AGBL4: variants seen among roughly 807,000 people sequenced by gnomAD.
The protein encoded by AGBL4 is AGBL carboxypeptidase 4, also known as cytosolic carboxypeptidase 6.
Under a neutral mutation model 66.4 loss-of-function variants are expected in AGBL4, and 58 were observed. That is an observed-to-expected ratio of 0.87 (90% CI 0.71 to 1.09). The LOEUF is 1.09. Among genes scored for constraint, AGBL4 ranks in the 50% least tolerant of loss-of-function variants. The probability of loss-of-function intolerance (pLI) is 0.00; values close to 1 mark genes in which losing one functional copy is unlikely to be tolerated. For missense variants in AGBL4, 579 were observed against 631.0 expected, an observed-to-expected ratio of 0.92 and a Z score of 0.88; for synonymous variants, 234 against 222.9, an observed-to-expected ratio of 1.05 and a Z score of -0.44.
At chr1:48,923,898 G>C (rs1185812462) in intron 5 of AGBL4, among the ~76,000 whole-genome samples, 2 of 152,102 alleles carry the variant, frequency 1.3e-5, no homozygotes, top group East Asian at 1.9e-4. Context: ...TTAGTTATTA[G>C]AGAATATTAG....
chr1:48,831,137 G>A (rs1013097958), intron 6 of AGBL4, among the ~76,000 whole-genome samples: 1 of 152,214 alleles, frequency 6.6e-6, no homozygotes, highest in Non-Finnish European at 1.5e-5. Context: ...CATTCTTAAT[G>A]ACATGAGGGA....
chr1:49,854,807 G>A (rs1352958373), intron 1 of AGBL4, among the ~76,000 whole-genome samples: 4 of 152,150 alleles, frequency 2.6e-5, no homozygotes, highest in African/African-American at 9.7e-5. Flanking sequence ...GACAAAGGAA[G>A]CCAAAATGCA....
intron 5 of AGBL4, among the ~76,000 whole-genome samples, chr1:49,009,510 C>A (rs1019764086): frequency 1.3e-5 from 2 of 151,930 alleles, no homozygotes; most frequent in Non-Finnish European, 2.9e-5. Flanking sequence ...AAGAGGGAAT[C>A]CTCCCTAACT....
At chr1:48,785,212 T>C (rs1645382298) in intron 6 of AGBL4, among the ~76,000 whole-genome samples, 1 of 152,200 alleles carries the variant, frequency 6.6e-6, no homozygotes, top group Non-Finnish European at 1.5e-5. Flanking sequence ...TAATTATGTG[T>C]TTATTCTATT....
chr1:48,539,972 A>G (rs770753182), intron 11 of AGBL4, among the ~76,000 whole-genome samples: 15 of 152,188 alleles, frequency 9.9e-5, no homozygotes, highest in Admixed American at 2.6e-4. Context: ...AATTTGCCTA[A>G]GGTCACAAAA....
chr1:49,315,138 T>G (rs1645016365), intron 3 of AGBL4, among the ~76,000 whole-genome samples: 1 of 152,156 alleles, frequency 6.6e-6, no homozygotes, highest in African/African-American at 2.4e-5. Flanking sequence ...AAACAAGCAA[T>G]GGGGAAAGCT....
chr1:49,514,474 T>G (rs1258351090), intron 3 of AGBL4, among the ~76,000 whole-genome samples: 1 of 152,038 alleles, frequency 6.6e-6, no homozygotes, highest in African/African-American at 2.4e-5. Flanking sequence ...AGGTAATTTA[T>G]AGATTCAATG....
At chr1:49,309,696 T>C (rs1210309161) in intron 3 of AGBL4, among the ~76,000 whole-genome samples, 1 of 151,888 alleles carries the variant, frequency 6.6e-6, no homozygotes, top group Non-Finnish European at 1.5e-5. Context: ...AATAATGAAA[T>C]AAAATTACAT....
At chr1:48,749,430 C>T (rs552745737) in intron 6 of AGBL4, among the ~76,000 whole-genome samples, 5 of 152,242 alleles carry the variant, frequency 3.3e-5, no homozygotes, top group East Asian at 1.9e-4. Flanking sequence ...CCTACAAAAT[C>T]GATCTTATTA....
chr1:49,395,661 C>T (rs915067346), intron 3 of AGBL4, among the ~76,000 whole-genome samples: 1 of 147,792 alleles, frequency 6.8e-6, no homozygotes, highest in Non-Finnish European at 1.5e-5. Flanking sequence ...GTATTTGAAT[C>T]ATCTGTCCTC....
chr1:48,613,943 C>T (rs1222173786), intron 9 of AGBL4, among the ~76,000 whole-genome samples: 1 of 152,138 alleles, frequency 6.6e-6, no homozygotes, highest in East Asian at 1.9e-4. Flanking sequence ...GAGTTAAGGC[C>T]ATGAGATAAA....
intron 3 of AGBL4, among the ~76,000 whole-genome samples, chr1:49,440,360 G>A (rs930521372): frequency 2.0e-5 from 3 of 152,114 alleles, no homozygotes; most frequent in Non-Finnish European, 2.9e-5. Flanking sequence ...GAGCCACTGC[G>A]CCCAGCCAGG....
intron 2 of AGBL4, among the ~76,000 whole-genome samples, chr1:49,704,107 G>A (rs1055604139): frequency 1.3e-5 from 2 of 152,034 alleles, no homozygotes; most frequent in African/African-American, 4.8e-5. Flanking sequence ...TCTCCCCAAT[G>A]TATGTATACA....
intron 4 of AGBL4, among the ~76,000 whole-genome samples, chr1:49,227,531 A>G (rs1330476478): frequency 6.6e-6 from 1 of 152,194 alleles, no homozygotes; most frequent in Non-Finnish European, 1.5e-5. Flanking sequence ...GTAAGAGCCC[A>G]TTCAGTCAAA....
chr1:48,664,543 T>G (rs1224145817), intron 6 of AGBL4, among the ~76,000 whole-genome samples: 1 of 152,182 alleles, frequency 6.6e-6, no homozygotes, highest in Non-Finnish European at 1.5e-5. Flanking sequence ...AAATGCTTGA[T>G]GTACAAAGCC....
chr1:48,655,479 T>C (rs1399738836), intron 7 of AGBL4, among the ~76,000 whole-genome samples: 2 of 152,264 alleles, frequency 1.3e-5, no homozygotes, highest in Non-Finnish European at 2.9e-5. Flanking sequence ...GGACCTGAGT[T>C]TGAATCTTAA....
In AGBL4 at chr1:48,877,185, G is replaced by T. The variant is rs1649313003; in HGVS notation, c.595-9955C>A. Among the ~76,000 whole-genome samples, 3 of 152,144 alleles carry T rather than the reference G, an allele frequency of 2.0e-5. No individual in the cohort carries two copies. The South Asian group carries it at 6.2e-4, about 31-fold the overall frequency. ...TGTCTATAATCCAGTGCCTAGAAAAGAACAAATGCCCATAAAAACTTGTCA... is the reference window on the plus strand; with the variant it reads ...TGTCTATAATCCAGTGCCTAGAAAATAACAAATGCCCATAAAAACTTGTCA... On this transcript the variant is annotated intron_variant, in intron 5 of 13. Coordinates refer to ENST00000371839, the MANE Select transcript of AGBL4 (RefSeq NM_032785.4).
At chr1:48,979,550 A>G (rs1393955330) in intron 5 of AGBL4, among the ~76,000 whole-genome samples, 1 of 152,122 alleles carries the variant, frequency 6.6e-6, no homozygotes, top group Non-Finnish European at 1.5e-5. Flanking sequence ...TATAATAGTG[A>G]TTTGGATAGG....
At chr1:49,657,837 T>C (rs371833253) in intron 3 of AGBL4, among the ~76,000 whole-genome samples, 14 of 152,032 alleles carry the variant, frequency 9.2e-5, no homozygotes, top group Non-Finnish European at 1.5e-4. Context: ...CCCTTCCTTA[T>C]ACCTTATACA....
Sources: allele counts gnomAD v4.1 joint callset (sites outside exome capture counted in the v4.1 genomes callset), GRCh38; gene constraint gnomAD v4.1.1; transcripts MANE v1.5; gene names NCBI Gene and HGNC (gene_info 2026-07-23, HGNC 2026-07-21).